PKIG: variants seen among roughly 807,000 people sequenced by gnomAD.
PKIG encodes the protein cAMP-dependent protein kinase inhibitor gamma.
PKIG carries 1 observed loss-of-function variant against 6.8 expected under a neutral mutation model. That is an observed-to-expected ratio of 0.15 (90% CI 0.05 to 0.69). PKIG has a LOEUF of 0.69. PKIG is among the 30% of genes least tolerant of loss of function. The probability of loss-of-function intolerance (pLI) is 0.82; values close to 1 mark genes in which losing one functional copy is unlikely to be tolerated. For missense variants in PKIG, 77 were observed against 104.0 expected (o/e 0.74, Z 1.13); for synonymous variants, 39 against 43.0 (o/e 0.91, Z 0.36).
At chr20:44,586,089 G>T (rs1044310904) in intron 1 of PKIG, among the ~76,000 whole-genome samples, 11 of 152,338 alleles carry the variant, frequency 7.2e-5, no homozygotes, top group African/African-American at 2.6e-4. Context: ...TAGCAGGTAA[G>T]AGCTCTGCTT....
At chr20:44,538,557 A>G (rs1192861449) in intron 1 of PKIG, among the ~76,000 whole-genome samples, 1 of 152,164 alleles carries the variant, frequency 6.6e-6, no homozygotes, top group Non-Finnish European at 1.5e-5. Context: ...TATACTGCCT[A>G]CTTCCATCCC....
rs2065248808 is a variant in PKIG, at chr20:44,614,716, C to T, written c.151+9C>T. ...GGCACTCGAGGGGGCAGGTTAGAGCCAGCAGGTCCTTGGCACTACTGCATG... is the reference window on the plus strand; with the variant it reads ...GGCACTCGAGGGGGCAGGTTAGAGCTAGCAGGTCCTTGGCACTACTGCATG... On this transcript the variant is annotated intron_variant, in intron 3 of 3. Transcript: ENST00000372886. This position sits in a 1 kb window ranked among gnomAD's most constrained non-coding sequence, Gnocchi z 4.6. 6.2e-7 allele frequency: 1 copy of T among 1,613,394 alleles called. No individual in the cohort carries two copies. The highest frequency in any genetic ancestry group is 8.5e-7 in the Non-Finnish European group (1 of 1,179,946).
chr20:44,569,923 G>A (rs532656732), intron 1 of PKIG, among the ~76,000 whole-genome samples: 1 of 152,328 alleles, frequency 6.6e-6, no homozygotes, highest in East Asian at 1.9e-4. Context: ...GAGACCAGAA[G>A]TTTGAGACCA....
chr20:44,539,274 T>C (rs933796880), intron 1 of PKIG, among the ~76,000 whole-genome samples: 8 of 152,100 alleles, frequency 5.3e-5, no homozygotes, highest in Non-Finnish European at 1.2e-4. Flanking sequence ...AGTTGGTCTG[T>C]GTTCACTGGG....
At chr20:44,577,607 G>A (rs114564822), upstream of PKIG, among the ~76,000 whole-genome samples, 2,242 of 151,980 alleles carry the variant, frequency 0.015, 56 homozygotes, top group African/African-American at 0.042. Flanking sequence ...ACTTTTATTC[G>A]TAAATCTCAA....
Position 44,564,600 on chromosome 20 carries a change from T to C in PKIG, c.-240-17985T>C, listed in dbSNP as rs139454427. On this transcript the variant is annotated intron_variant, in intron 1 of 4. Transcript: ENST00000372887. Reference sequence around the variant, plus strand: ...ATTATTATTTTTTTTAGAGATGGGGTCTTGCTGTGTTTTCCACAGCGAGAA... The same window carrying C: ...ATTATTATTTTTTTTAGAGATGGGGCCTTGCTGTGTTTTCCACAGCGAGAA... Among the ~76,000 whole-genome samples, 765 of 152,212 alleles carry C rather than the reference T, an allele frequency of 5.0e-3. 3 individuals are homozygous for C. Among genetic ancestry groups the C allele is most frequent in the African/African-American group, 0.017 (714 of 41,514 alleles).
At chr20:44,558,166 A>G (rs533803891) in intron 1 of PKIG, among the ~76,000 whole-genome samples, 2 of 152,336 alleles carry the variant, frequency 1.3e-5, no homozygotes, top group Admixed American at 1.3e-4. Context: ...GTCCTATTCT[A>G]ATATACGGAG....
chr20:44,542,881 CTG>C (rs1377700558), intron 1 of PKIG, among the ~76,000 whole-genome samples: 1 of 152,234 alleles, frequency 6.6e-6, no homozygotes, highest in Non-Finnish European at 1.5e-5. Context: ...GCGTGAGCCA[CTG>C]TGCCCAGCAG....
chr20:44,584,717 C>T (rs188014885), intron 1 of PKIG, among the ~76,000 whole-genome samples: 2 of 150,228 alleles, frequency 1.3e-5, no homozygotes, highest in Admixed American at 1.3e-4. Flanking sequence ...AGGCCCTTGG[C>T]ACTTCTTTTT....
chr20:44,610,529 C>CACACACACA (rs1206246062), intron 2 of PKIG, among the ~76,000 whole-genome samples: 4 of 150,948 alleles, frequency 2.6e-5, no homozygotes, highest in South Asian at 2.1e-4. Context: ...CACACACACA[C>CACACACACA]CTGCAGCACT....
intron 3 of PKIG, among the ~76,000 whole-genome samples, chr20:44,616,448 GCTCT>G (rs556552448): frequency 6.6e-6 from 1 of 152,156 alleles, no homozygotes; most frequent in South Asian, 2.1e-4. Context: ...GCTGCCCTGG[GCTCT>G]CTCTCAAGGC....
At chr20:44,591,875 T>C (rs1365742849) in intron 2 of PKIG, among the ~76,000 whole-genome samples, 1 of 152,204 alleles carries the variant, frequency 6.6e-6, no homozygotes, top group African/African-American at 2.4e-5. Context: ...GCACATTAAG[T>C]GCATCCTGTC....
chr20:44,533,082 A>C (rs933981741), intron 1 of PKIG, among the ~76,000 whole-genome samples: 21 of 152,138 alleles, frequency 1.4e-4, no homozygotes, highest in African/African-American at 5.1e-4. Context: ...AGTTTCAGAA[A>C]GATCAGTTTT....
intron 1 of PKIG, among the ~76,000 whole-genome samples, chr20:44,575,473 T>A (rs2064889244): frequency 6.6e-6 from 1 of 152,220 alleles, no homozygotes; most frequent in South Asian, 2.1e-4. Flanking sequence ...TGATCAGACA[T>A]CCTGTCATGC....
intron 2 of PKIG, among the ~76,000 whole-genome samples, chr20:44,605,133 C>T (rs147828668): frequency 0.034 from 5,170 of 152,130 alleles, 118 homozygotes; most frequent in Non-Finnish European, 0.051. Context: ...AGGCCAGGTG[C>T]GGTGGCTCAC....
chr20:44,584,198 T>A (rs148713452), intron 1 of PKIG, among the ~76,000 whole-genome samples: 1 of 152,318 alleles, frequency 6.6e-6, no homozygotes, highest in African/African-American at 2.4e-5. Flanking sequence ...AAACTGTATT[T>A]ACATAATTAC....
At chr20:44,603,731 A>C (rs553271346) in intron 2 of PKIG, among the ~76,000 whole-genome samples, 2 of 152,176 alleles carry the variant, frequency 1.3e-5, no homozygotes. Context: ...CATTAATTGA[A>C]CAGGTATTTG....
At chr20:44,565,242 A>G (rs1243137502) in intron 1 of PKIG, among the ~76,000 whole-genome samples, 1 of 152,200 alleles carries the variant, frequency 6.6e-6, no homozygotes, top group Non-Finnish European at 1.5e-5. Context: ...CTGGGACTAT[A>G]GAGTTGAATA....
chr20:44,573,115 G>A (rs1044700744), intron 1 of PKIG, among the ~76,000 whole-genome samples: 4 of 152,230 alleles, frequency 2.6e-5, no homozygotes, highest in Non-Finnish European at 5.9e-5. Flanking sequence ...CAGAACTGCT[G>A]CAGGCTGCCT....
Sources: gnomAD v4.1 joint callset for allele counts (sites outside exome capture counted in the v4.1 genomes callset) on GRCh38, gnomAD v4.1.1 for gene constraint, Gnocchi (gnomAD v3.1) non-coding constraint, MANE v1.5 for transcripts, NCBI Gene and HGNC (gene_info 2026-07-23, HGNC 2026-07-21) for gene names.